SH3GL3: variants seen among roughly 807,000 people sequenced by gnomAD.
SH3GL3 encodes the protein SH3 domain containing GRB2 like 3, endophilin A3, also known as endophilin-A3.
SH3GL3 carries 33 observed loss-of-function variants against 47.7 expected under a neutral mutation model. The observed-to-expected ratio is 0.69, with a 90% confidence interval of 0.52 to 0.92. The LOEUF is 0.92. Among genes scored for constraint, SH3GL3 ranks in the 40% least tolerant of loss-of-function variants. The pLI, the probability that SH3GL3 is intolerant of heterozygous loss-of-function variation, is 0.00. For missense variants in SH3GL3, 363 were observed against 417.8 expected, an observed-to-expected ratio of 0.87 and a Z score of 1.14; for synonymous variants, 155 against 148.8, an observed-to-expected ratio of 1.04 and a Z score of -0.30.
intron 4 of SH3GL3, among the ~76,000 whole-genome samples, chr15:83,570,345 T>C (rs940153193): frequency 6.6e-6 from 1 of 152,200 alleles, no homozygotes; most frequent in Non-Finnish European, 1.5e-5. Flanking sequence ...CTCTTCCGTT[T>C]CTTGATCTGT....
At chr15:83,534,317 T>C (rs1023370759) in intron 1 of SH3GL3, among the ~76,000 whole-genome samples, 1 of 152,228 alleles carries the variant, frequency 6.6e-6, no homozygotes, top group Non-Finnish European at 1.5e-5. Context: ...CAATTGCTGG[T>C]ATTCTGTTAT....
intron 1 of SH3GL3, among the ~76,000 whole-genome samples, chr15:83,464,240 CT>C (rs948489563): frequency 2.6e-5 from 4 of 152,150 alleles, no homozygotes; most frequent in African/African-American, 9.7e-5. Flanking sequence ...CTTACAACAC[CT>C]TCTGTACTTG....
At chr15:83,626,233 C>T in the SH3GL3 span, among the ~76,000 whole-genome samples, 1 of 152,200 alleles carries the variant, frequency 6.6e-6, no homozygotes, top group African/African-American at 2.4e-5. Flanking sequence ...AAGACTCCTG[C>T]TTCTCCCCAT....
At chr15:83,467,043 C>T (rs1438446547) in intron 1 of SH3GL3, among the ~76,000 whole-genome samples, 1 of 152,160 alleles carries the variant, frequency 6.6e-6, no homozygotes, top group Non-Finnish European at 1.5e-5. Context: ...AAAAGTTTTA[C>T]ATTTTGATGA....
intron 1 of SH3GL3, among the ~76,000 whole-genome samples, chr15:83,510,939 CA>C (rs1483529962): frequency 6.8e-6 from 1 of 146,636 alleles, no homozygotes; most frequent in East Asian, 2.1e-4. Context: ...GGGAATTGAA[CA>C]ATGAGAACAC....
intron 7 of SH3GL3, among the ~76,000 whole-genome samples, chr15:83,587,525 T>TA (rs35935527): frequency 0.32 from 33,038 of 104,820 alleles, 5,660 homozygotes; most frequent in Non-Finnish European, 0.41. Context: ...TAAATATCTG[T>TA]AAAAAAAAAA....
intron 1 of SH3GL3, among the ~76,000 whole-genome samples, chr15:83,530,159 C>G (rs1477925492): frequency 6.6e-6 from 1 of 152,182 alleles, no homozygotes; most frequent in African/African-American, 2.4e-5. Flanking sequence ...AGGTTAGGCA[C>G]TCAGAATGGT....
chr15:83,447,898 C>A lies in SH3GL3; in HGVS notation c.45+320C>A, dbSNP rs1212230593. The stretch of plus-strand genomic sequence containing the variant: ...CGGAGTGGGCGTGGGGGGGCCCCTA[C>A]CCGCGCGAGGGGAGGACGACCACAG... On this transcript the variant is annotated intron_variant, in intron 1 of 8. Coordinates refer to ENST00000427482, the MANE Select transcript of SH3GL3 (RefSeq NM_003027.5). This position sits in a 1 kb window ranked among gnomAD's most constrained non-coding sequence, Gnocchi z 5.1. Among the ~76,000 whole-genome samples the A allele has an allele frequency of 6.6e-6, 1 of 152,078 alleles. No individual in the cohort carries two copies. Among genetic ancestry groups the A allele is most frequent in the Non-Finnish European group, 1.5e-5 (1 of 67,986 alleles).
At chr15:83,488,940 AC>A (rs1596086019) in intron 1 of SH3GL3, among the ~76,000 whole-genome samples, 1 of 152,198 alleles carries the variant, frequency 6.6e-6, no homozygotes, top group Non-Finnish European at 1.5e-5. Flanking sequence ...TGTCTCCCTG[AC>A]CCAGAAGACC....
At chr15:83,566,004 AT>A (rs1387398833) in intron 3 of SH3GL3, 2 of 152,190 alleles carry the variant, frequency 1.3e-5, no homozygotes, top group Non-Finnish European at 2.9e-5. Context: ...CCATAAAAAT[AT>A]ATCTTCTCCT....
intron 1 of SH3GL3, among the ~76,000 whole-genome samples, chr15:83,530,119 A>G (rs1203302158): frequency 6.6e-6 from 1 of 152,100 alleles, no homozygotes; most frequent in Non-Finnish European, 1.5e-5. Flanking sequence ...TGCAGGGGCT[A>G]TGGCATCCCA....
At chr15:83,607,502 C>T (rs1320991835) in intron 8 of SH3GL3, among the ~76,000 whole-genome samples, 1 of 152,100 alleles carries the variant, frequency 6.6e-6, no homozygotes, top group East Asian at 1.9e-4. Context: ...TCTAAGCTTC[C>T]AAGTCAGGAT....
intron 6 of SH3GL3, among the ~76,000 whole-genome samples, chr15:83,581,414 C>T (rs950796282): frequency 3.3e-5 from 5 of 152,176 alleles, no homozygotes; most frequent in Admixed American, 6.5e-5. Context: ...GAAGGGGCAG[C>T]TTGGGCCTGG....
At chr15:83,458,860 A>T (rs1234186168) in intron 1 of SH3GL3, among the ~76,000 whole-genome samples, 1 of 152,368 alleles carries the variant, frequency 6.6e-6, no homozygotes, top group East Asian at 1.9e-4. Context: ...CTAGAGGGAT[A>T]GGACTAATAG....
At chr15:83,501,118 G>A (rs951485042) in intron 1 of SH3GL3, among the ~76,000 whole-genome samples, 4 of 152,098 alleles carry the variant, frequency 2.6e-5, no homozygotes, top group Non-Finnish European at 4.4e-5. Flanking sequence ...GTGTTCCAAA[G>A]TTGTATGCTT....
At chr15:83,562,818 A>G (rs751202009) in intron 2 of SH3GL3, among the ~76,000 whole-genome samples, 3 of 152,228 alleles carry the variant, frequency 2.0e-5, no homozygotes, top group Admixed American at 6.5e-5. Context: ...CTAATAAGAC[A>G]TATTTAGTTA....
chr15:83,529,524 T>TC (rs2043571275), intron 1 of SH3GL3, among the ~76,000 whole-genome samples: 1 of 152,082 alleles, frequency 6.6e-6, no homozygotes, highest in East Asian at 1.9e-4. Context: ...GGTAGAGTGA[T>TC]CCGCAGGCCC....
intron 1 of SH3GL3, among the ~76,000 whole-genome samples, chr15:83,547,621 G>A (rs1596232248): frequency 6.6e-6 from 1 of 152,134 alleles, no homozygotes; most frequent in African/African-American, 2.4e-5. Context: ...CAGGGGGGAC[G>A]ATTGCTGGAG....
chr15:83,458,490 C>G (rs1372328426), intron 1 of SH3GL3, among the ~76,000 whole-genome samples: 2 of 152,180 alleles, frequency 1.3e-5, no homozygotes, highest in Non-Finnish European at 2.9e-5. Flanking sequence ...AGTACTTTGC[C>G]TGTTCAAATC....
Sources: allele counts gnomAD v4.1 joint callset (sites outside exome capture counted in the v4.1 genomes callset), GRCh38; gene constraint gnomAD v4.1.1; non-coding constraint Gnocchi (gnomAD v3.1); transcripts MANE v1.5; gene names NCBI Gene and HGNC (gene_info 2026-07-23, HGNC 2026-07-21).